LSM8: variants seen among roughly 807,000 people sequenced by gnomAD.
LSM8 encodes LSM8 U6 small nuclear RNA associated.
A neutral mutation model predicts 15.0 loss-of-function variants in LSM8; 14 were observed. That is an observed-to-expected ratio of 0.93 (90% CI 0.62 to 1.46). The LOEUF (loss-of-function observed/expected upper bound fraction) is 1.46, where lower values mean the gene tolerates loss of function less well. LSM8 is among the 40% of genes most tolerant of loss of function. The pLI is 0.00. For missense variants in LSM8, 90 were observed against 115.4 expected (o/e 0.78, Z 1.01); for synonymous variants, 50 against 42.1 (o/e 1.19, Z -0.73).
intron 2 of LSM8, among the ~76,000 whole-genome samples, chr7:118,186,169 A>G (rs149890002): frequency 2.0e-5 from 3 of 151,360 alleles, no homozygotes; most frequent in Non-Finnish European, 4.4e-5. Flanking sequence ...TTGACTCTCT[A>G]TATATACACA....
chr7:118,188,875 A>G (rs1281961882), intron 3 of LSM8: 1 of 152,504 alleles, frequency 6.6e-6, no homozygotes, highest in Non-Finnish European at 1.5e-5. Context: ...TTTATAAATA[A>G]GTACTTACTC....
rs1005611778 is a variant in LSM8, at chr7:118,197,731, A to G, written c.*5729A>G. Among the ~76,000 whole-genome samples, 1 of 152,180 alleles carries G rather than the reference A, an allele frequency of 6.6e-6. No individual in the cohort carries two copies. The highest frequency in any genetic ancestry group is 1.5e-5 in the Non-Finnish European group (1 of 68,020). ...TAGGAGGTATGATTTTTAAAAGGAA[A>G]TTGTTGATTAGGGTCTTGGGCTAGT... On this transcript the variant is annotated 3_prime_UTR_variant, in exon 4 of 4. Coordinates refer to ENST00000249299, the MANE Select transcript of LSM8 (RefSeq NM_016200.5).
chr7:118,198,655 G>A lies in LSM8; in HGVS notation c.*6653G>A, dbSNP rs188409458. Among the ~76,000 whole-genome samples the A allele has an allele frequency of 1.3e-5, 2 of 152,284 alleles. No homozygotes were observed. The highest frequency in any genetic ancestry group is 3.9e-4 in the East Asian group (2 of 5,182). Reference sequence around the variant, plus strand: ...TAGTAAGGATTTCCATAGATGGTTAGGAAAACTTCAAATTGGCAGACAGGA... The same window carrying A: ...TAGTAAGGATTTCCATAGATGGTTAAGAAAACTTCAAATTGGCAGACAGGA... On this transcript the variant is annotated 3_prime_UTR_variant, in exon 4 of 4. Coordinates refer to ENST00000249299, the MANE Select transcript of LSM8 (RefSeq NM_016200.5).
chr7:118,184,436 C>G, intron 1 of LSM8, 182 bp downstream of exon 1: 1 of 625,224 alleles, frequency 1.6e-6, no homozygotes, highest in Non-Finnish European at 2.5e-6. Flanking sequence ...GCTGCGGGCC[C>G]AGGGGTCCTT....
rs1562863503 is a variant in LSM8, at chr7:118,194,919, G to T, written c.*2917G>T. 6.6e-6 allele frequency among the ~76,000 whole-genome samples: 1 copy of T among 152,100 alleles called. No individual in the cohort carries two copies. Among genetic ancestry groups the T allele is most frequent in the Non-Finnish European group, 1.5e-5 (1 of 67,986 alleles). On this transcript the variant is annotated 3_prime_UTR_variant, in exon 4 of 4. Coordinates refer to ENST00000249299, the MANE Select transcript of LSM8 (RefSeq NM_016200.5). ...AAATTGAGGCTCAGCAGGGTCAAGT[G>T]ACTTGTAAGAGGTAGCACTAGTAAG...
rs368540848 is a variant in LSM8 at position 118,184,204 on chromosome 7, G to C, written c.-20G>C. ...GCTGTCGGCACCGCTGCGTTACCCG[G>C]AACCGCCGGGCCGAACAGCATGACG... is the stretch of plus-strand genomic sequence containing the variant. On this transcript the variant is annotated 5_prime_UTR_variant, in exon 1 of 4. Transcript: ENST00000249299. 5.8e-5 allele frequency: 90 copies of C among 1,542,838 alleles called. No homozygotes were observed. Among genetic ancestry groups the C allele is most frequent in the Middle Eastern group, 1.7e-4 (1 of 5,974 alleles).
chr7:118,184,448 C>G, intron 1 of LSM8, 194 bp downstream of exon 1: 2 of 553,996 alleles, frequency 3.6e-6, no homozygotes, highest in Non-Finnish European at 5.8e-6. Flanking sequence ...GGGGTCCTTT[C>G]CATTTTGCCT....
rs1809023118 is a variant in LSM8 at position 118,193,534 on chromosome 7, G to C, written c.*1532G>C. Among the ~76,000 whole-genome samples the C allele has an allele frequency of 6.6e-6, 1 of 152,050 alleles. No homozygotes were observed. The highest frequency in any genetic ancestry group is 1.5e-5 in the Non-Finnish European group (1 of 67,958). Reference sequence around the variant, plus strand: ...TCTAGAATTATTTGGTTGATGTTAAGGGCTGTCTCTGGGAGAATTAGAGAA... The same window carrying C: ...TCTAGAATTATTTGGTTGATGTTAACGGCTGTCTCTGGGAGAATTAGAGAA... On this transcript the variant is annotated 3_prime_UTR_variant, in exon 4 of 4. Transcript: ENST00000249299.
rs1190899499 is a variant in LSM8 at position 118,194,876 on chromosome 7, A to T, written c.*2874A>T. ...GGCCTGGTGCTGAGTGCTTACAATGATCATTTTATATATGGGAAAATTGAG... is the reference window on the plus strand; with the variant it reads ...GGCCTGGTGCTGAGTGCTTACAATGTTCATTTTATATATGGGAAAATTGAG... On this transcript the variant is annotated 3_prime_UTR_variant, in exon 4 of 4. Coordinates refer to ENST00000249299, the MANE Select transcript of LSM8 (RefSeq NM_016200.5). 6.6e-6 allele frequency among the ~76,000 whole-genome samples: 1 copy of T among 152,132 alleles called. No homozygotes were observed. The highest frequency in any genetic ancestry group is 1.5e-5 in the Non-Finnish European group (1 of 68,004).
rs1404118128 is a variant in LSM8 at position 118,201,374 on chromosome 7, G to C, written c.*9372G>C. Among the ~76,000 whole-genome samples, 1 of 152,022 alleles carries C rather than the reference G, an allele frequency of 6.6e-6. No individual in the cohort carries two copies. Among genetic ancestry groups the C allele is most frequent in the Non-Finnish European group, 1.5e-5 (1 of 67,966 alleles). On this transcript the variant is annotated 3_prime_UTR_variant, in exon 4 of 4. Coordinates refer to ENST00000249299, the MANE Select transcript of LSM8 (RefSeq NM_016200.5). The stretch of plus-strand genomic sequence containing the variant: ...GGAAAGCAGAATCAAGCAATAAAGA[G>C]ACATTTTGGGCCTGATGACATCATT...
At chr7:118,186,778 G>T (rs532763902) in intron 2 of LSM8, among the ~76,000 whole-genome samples, 106 of 152,326 alleles carry the variant, frequency 7.0e-4, no homozygotes, top group Non-Finnish European at 1.2e-3. Flanking sequence ...AGGAAGCAAT[G>T]ATGTTTGCTT....
chr7:118,184,288 G>A (rs1206985255), intron 1 of LSM8, 34 bp downstream of exon 1: 4 of 1,465,112 alleles, frequency 2.7e-6, no homozygotes, highest in Admixed American at 2.4e-5. Context: ...GGCGTGAGCC[G>A]GGGTCGCGGA....
In LSM8 at chr7:118,192,070, T is replaced by C; in HGVS notation, c.*68T>C. ...AACTGATTATTCTGAGGATGATATA[T>C]GGAGTTTTTATGAGTGTGTCACTGG... On this transcript the variant is annotated 3_prime_UTR_variant, in exon 4 of 4. Coordinates refer to ENST00000249299, the MANE Select transcript of LSM8 (RefSeq NM_016200.5). 1 of 1,269,666 alleles carries C rather than the reference T, an allele frequency of 7.9e-7. No homozygotes were observed. Among genetic ancestry groups the C allele is most frequent in the South Asian group, 1.4e-5 (1 of 69,988 alleles). The allele number at this position is 1,269,666 out of a possible 1,614,324, so 78.7% of individuals were successfully genotyped here. A position where few individuals can be genotyped will look rare whatever the true frequency, so the allele number is the denominator to read the frequency against.
rs1273481841 is a variant in LSM8, at chr7:118,201,166, A to G, written c.*9164A>G. ...ATAACCATTATCTTTACTGAATCAG[A>G]TGTTTCATTAACTGTTAGCAGTTAT... On this transcript the variant is annotated 3_prime_UTR_variant, in exon 4 of 4. Transcript: ENST00000249299. Among the ~76,000 whole-genome samples the G allele has an allele frequency of 1.3e-5, 2 of 152,108 alleles. No homozygotes were observed. The highest frequency in any genetic ancestry group is 4.8e-5 in the African/African-American group (2 of 41,426).
Position 118,197,980 on chromosome 7 carries a change from A to G in LSM8, c.*5978A>G, listed in dbSNP as rs1809109116. On this transcript the variant is annotated 3_prime_UTR_variant, in exon 4 of 4. Transcript: ENST00000249299. ...GATATTGAATGATGGACTCCAAATTATTTATTGTGGCCTAGGAAAAGTACT... is the reference window on the plus strand; with the variant it reads ...GATATTGAATGATGGACTCCAAATTGTTTATTGTGGCCTAGGAAAAGTACT... 6.6e-6 allele frequency among the ~76,000 whole-genome samples: 1 copy of G among 152,204 alleles called. No homozygotes were observed. The highest frequency in any genetic ancestry group is 2.4e-5 in the African/African-American group (1 of 41,456).
chr7:118,193,522 G>T lies in LSM8; in HGVS notation c.*1520G>T, dbSNP rs2115927558. 6.6e-6 allele frequency among the ~76,000 whole-genome samples: 1 copy of T among 152,006 alleles called. No individual in the cohort carries two copies. Among genetic ancestry groups the T allele is most frequent in the Middle Eastern group, 3.4e-3 (1 of 294 alleles). On this transcript the variant is annotated 3_prime_UTR_variant, in exon 4 of 4. Transcript: ENST00000249299. ...GAAGCACTATTCTCTAGAATTATTT[G>T]GTTGATGTTAAGGGCTGTCTCTGGG...
At chr7:118,187,615 A>G (rs1808908543) in intron 2 of LSM8, among the ~76,000 whole-genome samples, 1 of 152,178 alleles carries the variant, frequency 6.6e-6, no homozygotes, top group African/African-American at 2.4e-5. Context: ...GGCAAATTAT[A>G]TTTACTTGTG....
intron 3 of LSM8, chr7:118,191,600 T>A (rs1808982457): frequency 1.5e-5 from 3 of 198,562 alleles, no homozygotes; most frequent in African/African-American, 2.3e-5. Context: ...TGAGGGTTTT[T>A]TACTGTGTCT....
chr7:118,185,508 A>G (rs1808871670), intron 1 of LSM8, 146 bp from the exon 2 acceptor site: 1 of 701,410 alleles, frequency 1.4e-6, no homozygotes, highest in Non-Finnish European at 2.4e-6. Flanking sequence ...GAAACTTTTA[A>G]CGTTTTTATG....
Sources: gnomAD v4.1 joint callset for allele counts (sites outside exome capture counted in the v4.1 genomes callset) on GRCh38, gnomAD v4.1.1 for gene constraint, MANE v1.5 for transcripts, NCBI Gene and HGNC (gene_info 2026-07-23, HGNC 2026-07-21) for gene names.